The following LDLRAD4 variants were observed in gnomAD, a reference collection of about 807,000 sequenced individuals.
LDLRAD4 encodes the protein low density lipoprotein receptor class A domain containing 4, also known as low-density lipoprotein receptor class A domain-containing protein 4.
Under a neutral mutation model 17.0 loss-of-function variants are expected in LDLRAD4, and 5 were observed. The ratio of observed to expected loss-of-function variants is 0.29; its 90% CI spans 0.15 to 0.62. The LOEUF (loss-of-function observed/expected upper bound fraction) is 0.62. Among genes scored for constraint, LDLRAD4 ranks in the 20% least tolerant of loss-of-function variants. LDLRAD4 has a pLI of 0.84. For synonymous variants in LDLRAD4, 168 were observed against 171.8 expected, an observed-to-expected ratio of 0.98 and a Z score of 0.17; for missense variants, 340 against 424.7, an observed-to-expected ratio of 0.80 and a Z score of 1.75.
intron 3 of LDLRAD4, among the ~76,000 whole-genome samples, chr18:13,451,886 T>A (rs1271172530): frequency 6.6e-6 from 1 of 152,226 alleles, no homozygotes; most frequent in Non-Finnish European, 1.5e-5. Context: ...GGTTAGGATT[T>A]CAACATATGA....
chr18:13,219,027 T>G (rs4578731), intron 1 of LDLRAD4, 39 bp downstream of exon 1: 1 of 151,502 alleles, frequency 6.6e-6, no homozygotes, highest in Non-Finnish European at 1.5e-5. Context: ...TCGGTTTAGG[T>G]TAAATCGCTA....
chr18:13,386,948 A>ATAGG (rs1391775218), intron 1 of LDLRAD4, among the ~76,000 whole-genome samples: 32 of 115,972 alleles, frequency 2.8e-4, no homozygotes, highest in African/African-American at 1.5e-3. Context: ...AGATAGATAG[A>ATAGG]TGGATGGATG....
intron 3 of LDLRAD4, among the ~76,000 whole-genome samples, chr18:13,546,599 A>T (rs755174888): frequency 6.6e-5 from 10 of 151,444 alleles, no homozygotes; most frequent in Non-Finnish European, 1.2e-4. Context: ...TTTTTTTTTT[A>T]AATACCACAC....
chr18:13,537,591 G>A (rs575010970), intron 3 of LDLRAD4, among the ~76,000 whole-genome samples: 4 of 152,268 alleles, frequency 2.6e-5, no homozygotes, highest in Middle Eastern at 3.4e-3. Context: ...CCTGCTGTGC[G>A]GCCCAGTTCC....
intron 1 of LDLRAD4, among the ~76,000 whole-genome samples, chr18:13,339,555 T>C (rs2082269018): frequency 6.6e-6 from 1 of 152,176 alleles, no homozygotes; most frequent in Non-Finnish European, 1.5e-5. Flanking sequence ...AAAGTTAGCA[T>C]AAAAACGTAA....
intron 1 of LDLRAD4, among the ~76,000 whole-genome samples, chr18:13,254,468 G>A (rs901135953): frequency 6.6e-6 from 1 of 152,186 alleles, no homozygotes. Context: ...CGCGGACAGA[G>A]AGAATCCCGC....
intron 4 of LDLRAD4, chr18:13,642,475 T>C: frequency 8.3e-7 from 1 of 1,208,334 alleles, no homozygotes; most frequent in African/African-American, 1.6e-5. Flanking sequence ...CTTGTCAATC[T>C]GGCCAAACGT....
At chr18:13,277,206 T>C (rs1317549268), upstream of LDLRAD4, among the ~76,000 whole-genome samples, 1 of 152,080 alleles carries the variant, frequency 6.6e-6, no homozygotes, top group African/African-American at 2.4e-5. Context: ...AGGAGCACGC[T>C]TTGGGGTACG....
intron 3 of LDLRAD4, among the ~76,000 whole-genome samples, chr18:13,495,921 C>T (rs2147179415): frequency 6.6e-6 from 1 of 152,256 alleles, no homozygotes; most frequent in Admixed American, 6.5e-5. Context: ...GCTGCCGGGC[C>T]CTTGTGGAGT....
chr18:13,598,422 T>A (rs1358950133), intron 3 of LDLRAD4, among the ~76,000 whole-genome samples: 1 of 152,246 alleles, frequency 6.6e-6, no homozygotes, highest in Non-Finnish European at 1.5e-5. Context: ...GCTGGCTAAT[T>A]GCTTTATTGT....
exon 6 of LDLRAD4, chr18:13,647,963 T>TCTTC (rs1175136251): frequency 6.6e-6 from 1 of 152,258 alleles, no homozygotes; most frequent in Non-Finnish European, 1.5e-5. Flanking sequence ...GATTAGCCTC[T>TCTTC]CTTCCTCTGT....
At chr18:13,471,976 A>AT (rs751815552) in intron 3 of LDLRAD4, 2 of 152,266 alleles carry the variant, frequency 1.3e-5, no homozygotes, top group Non-Finnish European at 2.9e-5. Context: ...AGCTCTGGTC[A>AT]TAAAAACACG....
intron 3 of LDLRAD4, 90 bp downstream of exon 4, chr18:13,438,474 G>A: frequency 9.8e-7 from 1 of 1,020,496 alleles, no homozygotes; most frequent in Admixed American, 2.1e-5. Context: ...GAAGGAGGTT[G>A]TTTTCTGGTT....
chr18:13,550,099 A>G lies in LDLRAD4; in HGVS notation c.182-71018A>G, dbSNP rs559907773. On this transcript the variant is annotated intron_variant, in intron 3 of 5. Transcript: ENST00000359446. Reference sequence around the variant, plus strand: ...AAGAAAGCAGACACAGTTGCTGTCTACAAGGGGGCAATGGGCTTACTATCT... The same window carrying G: ...AAGAAAGCAGACACAGTTGCTGTCTGCAAGGGGGCAATGGGCTTACTATCT... 3.3e-5 allele frequency among the ~76,000 whole-genome samples: 5 copies of G among 152,330 alleles called. No homozygotes were observed. The East Asian group carries it at 7.7e-4, about 23-fold the overall frequency.
intron 3 of LDLRAD4, among the ~76,000 whole-genome samples, chr18:13,554,859 T>C (rs953716768): frequency 2.0e-5 from 3 of 152,092 alleles, no homozygotes; most frequent in Non-Finnish European, 4.4e-5. Flanking sequence ...CCCTTCCACA[T>C]GTACAGCATG....
chr18:13,604,559 C>A (rs1363590530), intron 3 of LDLRAD4, among the ~76,000 whole-genome samples: 1 of 152,116 alleles, frequency 6.6e-6, no homozygotes, highest in Non-Finnish European at 1.5e-5. Flanking sequence ...GTATCTAACT[C>A]CTGAGTTAAT....
rs572691818 is a variant in LDLRAD4 at position 13,379,965 on chromosome 18, TGCCCCTGCCCGCCA to T, written c.-382-7370_-382-7357del. Reference sequence around the variant, plus strand: ...CTGGGTGTGGAGGATTGCAGAGGCCTGCCCCTGCCCGCCAGCCCCCTGCCCGCCAGCCCCCTGCC... The same window carrying T: ...CTGGGTGTGGAGGATTGCAGAGGCCTGCCCCCTGCCCGCCAGCCCCCTGCC... On this transcript the variant is annotated intron_variant, in intron 1 of 5. Transcript: ENST00000359446. Among the ~76,000 whole-genome samples, 41 of 82,478 alleles carry T rather than the reference TGCCCCTGCCCGCCA, an allele frequency of 5.0e-4. 1 individual carries two copies. The South Asian group carries it at 0.016, about 31-fold the overall frequency. The allele number at this position is 82,478 out of a possible 152,430, so 54.1% of individuals were successfully genotyped here. A position where few individuals can be genotyped will look rare whatever the true frequency, so the allele number is the denominator to read the frequency against.
intron 2 of LDLRAD4, among the ~76,000 whole-genome samples, chr18:13,406,606 G>A (rs1483045778): frequency 6.6e-6 from 1 of 152,192 alleles, no homozygotes; most frequent in East Asian, 1.9e-4. Context: ...TCTCAGAGGA[G>A]CCTCATCATT....
chr18:13,299,807 C>A (rs1226851459), intron 1 of LDLRAD4, among the ~76,000 whole-genome samples: 1 of 152,102 alleles, frequency 6.6e-6, no homozygotes, highest in African/African-American at 2.4e-5. Context: ...ATGCCACTTA[C>A]CCTCCAGCCT....
Sources: allele counts gnomAD v4.1 joint callset (sites outside exome capture counted in the v4.1 genomes callset), GRCh38; gene constraint gnomAD v4.1.1; transcripts MANE v1.5; gene names NCBI Gene and HGNC (gene_info 2026-07-23, HGNC 2026-07-21).